The following RFC3 variants were observed in gnomAD, a reference collection of about 807,000 sequenced individuals.
RFC3 encodes A1 38 kDa subunit.
Under a neutral mutation model 45.1 loss-of-function variants are expected in RFC3, and 41 were observed. That is an observed-to-expected ratio of 0.91 (90% CI 0.71 to 1.18). RFC3 has a LOEUF of 1.18. Ranked by LOEUF, RFC3 falls within the 50% of genes most tolerant of loss-of-function variation. The probability of loss-of-function intolerance (pLI) is 0.00; values close to 1 mark genes in which losing one functional copy is unlikely to be tolerated. For synonymous variants in RFC3, 149 were observed against 144.0 expected (o/e 1.03, Z -0.25); for missense variants, 423 against 428.1 (o/e 0.99, Z 0.10).
chr13:33,900,395 CTT>C (rs1187052150), intron 8 of RFC3, among the ~76,000 whole-genome samples: 1 of 151,794 alleles, frequency 6.6e-6, no homozygotes, highest in Non-Finnish European at 1.5e-5. Flanking sequence ...GCCAACTAGT[CTT>C]TGACAAAGTT....
chr13:33,844,237 T>G (rs2082221452), intron 8 of RFC3, among the ~76,000 whole-genome samples: 1 of 152,214 alleles, frequency 6.6e-6, no homozygotes, highest in African/African-American at 2.4e-5. Context: ...GTCTTCTGGT[T>G]CTTTAATCCA....
intron 8 of RFC3, among the ~76,000 whole-genome samples, chr13:33,898,161 TA>T (rs1285184183): frequency 6.6e-6 from 1 of 152,034 alleles, no homozygotes; most frequent in Admixed American, 6.6e-5. Flanking sequence ...CTAATAGGCC[TA>T]ACTGATATTT....
At chr13:33,839,064 A>G (rs933535450), downstream of RFC3, among the ~76,000 whole-genome samples, 1 of 152,142 alleles carries the variant, frequency 6.6e-6, no homozygotes, top group African/African-American at 2.4e-5. Flanking sequence ...TTATACTTAG[A>G]CATCATGAGA....
chr13:33,940,868 C>T (rs886800625), intron 8 of RFC3, among the ~76,000 whole-genome samples: 13 of 152,156 alleles, frequency 8.5e-5, no homozygotes, highest in African/African-American at 2.7e-4. Flanking sequence ...CTCTGTAGCA[C>T]GTTACTATTA....
chr13:33,934,725 G>T (rs115012396), intron 8 of RFC3, among the ~76,000 whole-genome samples: 1,859 of 152,180 alleles, frequency 0.012, 26 homozygotes, highest in African/African-American at 0.043. Flanking sequence ...GGGTCTATCT[G>T]GTTTTTGTTT....
intron 8 of RFC3, among the ~76,000 whole-genome samples, chr13:33,932,395 G>A (rs2082858356): frequency 6.6e-6 from 1 of 152,024 alleles, no homozygotes; most frequent in Non-Finnish European, 1.5e-5. Flanking sequence ...AGTATATTTT[G>A]GGAAGAATTG....
At chr13:33,925,432 A>G (rs2082802405) in intron 8 of RFC3, among the ~76,000 whole-genome samples, 2 of 134,732 alleles carry the variant, frequency 1.5e-5, no homozygotes, top group Admixed American at 1.5e-4. Flanking sequence ...TACTATATAC[A>G]TACATACATA....
chr13:33,938,879 G>T (rs1338970596), intron 8 of RFC3, among the ~76,000 whole-genome samples: 2 of 152,084 alleles, frequency 1.3e-5, no homozygotes, highest in South Asian at 4.2e-4. Flanking sequence ...ACTCCAACTG[G>T]CAGTGTAATA....
At chr13:33,888,491 G>A (rs1236490840) in intron 8 of RFC3, among the ~76,000 whole-genome samples, 2 of 152,066 alleles carry the variant, frequency 1.3e-5, no homozygotes, top group African/African-American at 2.4e-5. Context: ...TCTCAAGTGC[G>A]GAAGCCGAGT....
At chr13:33,884,510 T>C (rs762978681) in intron 8 of RFC3, among the ~76,000 whole-genome samples, 9 of 152,226 alleles carry the variant, frequency 5.9e-5, no homozygotes, top group Non-Finnish European at 1.3e-4. Context: ...GTCTTCTGAA[T>C]TGTCTCTGAC....
At position 33,825,886 on chromosome 13, in the gene RFC3, G is replaced by A; in HGVS notation, c.391G>A (p.Val131Met). The A allele has an allele frequency of 6.3e-7, 1 of 1,595,210 alleles. No homozygotes were observed. Residue 131 changes from valine (V) to methionine (M), a missense_variant and splice_region_variant, in exon 4 of 9, where the codon GTG becomes ATG. Val to Met is a conservative substitution (Grantham distance 21). Coordinates refer to ENST00000380071, the MANE Select transcript of RFC3 (RefSeq NM_002915.4). The part of the protein sequence containing the change: ...LETNSQRDFK[V>M]VLLTEVDKLT... The stretch of plus-strand genomic sequence containing the variant: ...AACAAACTCTCAAAGGGATTTTAAA[G>A]GTAGGTGATCAAAAGACTTCTTTTT...
Position 33,818,281 on chromosome 13 carries a change from C to T in RFC3, c.87+16C>T, listed in dbSNP as rs2139365209. 1 of 1,610,724 alleles carries T rather than the reference C, an allele frequency of 6.2e-7. No homozygotes were observed. The highest frequency in any genetic ancestry group is 8.5e-7 in the Non-Finnish European group (1 of 1,177,988). ...GCGGAACCTGGTGAGTCTGCGGGGG[C>T]CGGGAGCGTGGGAGAGGGGAGGCCC... On this transcript the variant is annotated intron_variant, in intron 1 of 8. Transcript: ENST00000380071.
At chr13:33,956,056 C>A (rs974660092) in intron 8 of RFC3, among the ~76,000 whole-genome samples, 1 of 152,202 alleles carries the variant, frequency 6.6e-6, no homozygotes, top group Non-Finnish European at 1.5e-5. Flanking sequence ...TATTTCTCCT[C>A]TTCTTTAATC....
chr13:33,829,447 A>G (rs2082080841), intron 4 of RFC3: 1 of 197,218 alleles, frequency 5.1e-6, no homozygotes, highest in South Asian at 9.8e-5. Flanking sequence ...TAAAGGTTGC[A>G]ATGATTTCTA....
At chr13:33,914,484 A>T (rs2082721634) in intron 8 of RFC3, among the ~76,000 whole-genome samples, 1 of 152,142 alleles carries the variant, frequency 6.6e-6, no homozygotes, top group African/African-American at 2.4e-5. Context: ...ATGGCTGATG[A>T]CAAGGTAAAT....
intron 8 of RFC3, among the ~76,000 whole-genome samples, chr13:33,925,448 CTATA>C (rs745372036): frequency 3.0e-5 from 4 of 134,590 alleles, no homozygotes; most frequent in East Asian, 2.2e-4. Context: ...ACATAGTGTA[CTATA>C]TACATACATA....
chr13:33,973,962 C>T, the RFC3 span, among the ~76,000 whole-genome samples: 2 of 152,090 alleles, frequency 1.3e-5, no homozygotes, highest in Non-Finnish European at 2.9e-5. Flanking sequence ...ATTGTCTCTC[C>T]AGCATAGTAA....
chr13:33,829,268 A>T (rs573577544), intron 4 of RFC3, among the ~76,000 whole-genome samples: 73 of 152,336 alleles, frequency 4.8e-4, no homozygotes, highest in Non-Finnish European at 9.7e-4. Context: ...AGATATCCTC[A>T]TGCCTTGTTG....
At chr13:33,940,008 T>G (rs2082913277) in intron 8 of RFC3, among the ~76,000 whole-genome samples, 1 of 152,162 alleles carries the variant, frequency 6.6e-6, no homozygotes, top group Non-Finnish European at 1.5e-5. Context: ...TATTAATACT[T>G]TGATAAAAAA....
Sources: allele counts gnomAD v4.1 joint callset (sites outside exome capture counted in the v4.1 genomes callset), GRCh38; gene constraint gnomAD v4.1.1; transcripts MANE v1.5; gene names NCBI Gene and HGNC (gene_info 2026-07-23, HGNC 2026-07-21).